The following RARB variants were observed in gnomAD, a reference collection of about 807,000 sequenced individuals.
The protein encoded by RARB is HBV-activated protein.
A neutral mutation model predicts 51.9 loss-of-function variants in RARB; 17 were observed. The ratio of observed to expected loss-of-function variants is 0.33; its 90% CI spans 0.22 to 0.49. RARB has a LOEUF of 0.49. RARB is among the 20% of genes least tolerant of loss of function. The pLI, the probability that RARB is intolerant of heterozygous loss-of-function variation, is 0.99. For synonymous variants in RARB, 215 were observed against 195.4 expected (o/e 1.10, Z -0.84); for missense variants, 369 against 550.8 (o/e 0.67, Z 3.30).
intron 5 of RARB, among the ~76,000 whole-genome samples, chr3:25,210,166 A>G (rs1306328097): frequency 6.6e-6 from 1 of 152,196 alleles, no homozygotes; most frequent in Non-Finnish European, 1.5e-5. Flanking sequence ...GCTAGCAGAA[A>G]AGATTTGTGA....
rs567691913 is a variant in RARB, at chr3:25,498,752, T to G, written c.307-2430T>G. Among the ~76,000 whole-genome samples, 4 of 152,354 alleles carry G rather than the reference T, an allele frequency of 2.6e-5. No homozygotes were observed. The South Asian group carries it at 8.3e-4, about 32-fold the overall frequency. ...GGGTCACCTTTGTCCATACCTCATT[T>G]TCTTCCCACGTATATAAAAGACCAT... On this transcript the variant is annotated intron_variant, in intron 2 of 7. Coordinates refer to ENST00000330688, the MANE Select transcript of RARB (RefSeq NM_000965.5).
At chr3:25,469,678 T>G (rs1695598130) in intron 2 of RARB, among the ~76,000 whole-genome samples, 1 of 152,212 alleles carries the variant, frequency 6.6e-6, no homozygotes, top group Admixed American at 6.5e-5. Context: ...TTAAGTGCCT[T>G]CCATGAGACA....
chr3:25,265,116 G>C (rs1046992908), intron 5 of RARB, among the ~76,000 whole-genome samples: 1 of 152,098 alleles, frequency 6.6e-6, no homozygotes, highest in African/African-American at 2.4e-5. Flanking sequence ...ATAAATTTCT[G>C]TTGTTTGTAA....
At chr3:25,160,355 C>T (rs968931913) in intron 4 of RARB, among the ~76,000 whole-genome samples, 1 of 152,182 alleles carries the variant, frequency 6.6e-6, no homozygotes, top group Non-Finnish European at 1.5e-5. Context: ...TGCCTTACCT[C>T]TTGACATTAC....
intron 3 of RARB, among the ~76,000 whole-genome samples, chr3:25,515,627 A>C (rs1050717317): frequency 9.2e-5 from 14 of 152,356 alleles, no homozygotes; most frequent in African/African-American, 3.4e-4. Context: ...GATGAACTCA[A>C]ATGACATTGA....
chr3:25,461,445 C>T (rs1372802076), intron 2 of RARB, 104 bp downstream of exon 2: 1 of 1,293,526 alleles, frequency 7.7e-7, no homozygotes, highest in Middle Eastern at 2.0e-4. Context: ...AACATCACCT[C>T]CCATAAGTGT....
intron 5 of RARB, among the ~76,000 whole-genome samples, chr3:25,235,466 A>T (rs933262371): frequency 6.6e-6 from 1 of 152,214 alleles, no homozygotes; most frequent in Non-Finnish European, 1.5e-5. Flanking sequence ...CCTCACCAAA[A>T]GGAGATCAGA....
At chr3:25,174,196 TC>T in exon 5 of RARB, 3 of 278,292 alleles carry the variant, frequency 1.1e-5, no homozygotes, top group Admixed American at 4.2e-5. Flanking sequence ...AAAGCATCCT[TC>T]CTGTAATCAG....
chr3:25,105,486 A>G (rs1000799633), intron 3 of RARB, among the ~76,000 whole-genome samples: 4 of 151,270 alleles, frequency 2.6e-5, no homozygotes, highest in Admixed American at 1.3e-4. Context: ...TGTTTTGCCA[A>G]GTATGACTGC....
chr3:25,115,659 C>G (rs2125327051), intron 3 of RARB, among the ~76,000 whole-genome samples: 1 of 140,020 alleles, frequency 7.1e-6, no homozygotes, highest in South Asian at 2.3e-4. Flanking sequence ...TTTCTTTTTC[C>G]TTTCCTTTCC....
chr3:25,536,936 C>T (rs564560340), intron 3 of RARB, among the ~76,000 whole-genome samples: 5 of 152,308 alleles, frequency 3.3e-5, no homozygotes, highest in Admixed American at 3.3e-4. Flanking sequence ...TTGTGCTAAA[C>T]AAGATGGTGG....
At chr3:25,591,888 G>A (rs1320826592) in intron 5 of RARB, among the ~76,000 whole-genome samples, 2 of 152,150 alleles carry the variant, frequency 1.3e-5, no homozygotes, top group Non-Finnish European at 2.9e-5. Flanking sequence ...CTAGGTCACT[G>A]CCTTCTTGGA....
At chr3:24,929,924 C>G (rs1013509832) in intron 2 of RARB, among the ~76,000 whole-genome samples, 1 of 151,978 alleles carries the variant, frequency 6.6e-6, no homozygotes, top group East Asian at 1.9e-4. Context: ...CTTGTTTTAC[C>G]TATTTTAATG....
intron 5 of RARB, among the ~76,000 whole-genome samples, chr3:25,375,969 G>A (rs534280065): frequency 6.6e-6 from 1 of 152,160 alleles, no homozygotes; most frequent in Non-Finnish European, 1.5e-5. Context: ...AAGAAATGGG[G>A]ATAATGTTAC....
At chr3:25,516,659 C>G (rs907371796) in intron 3 of RARB, among the ~76,000 whole-genome samples, 1 of 119,692 alleles carries the variant, frequency 8.4e-6, no homozygotes, top group African/African-American at 4.9e-5. Flanking sequence ...CAGGGTCACA[C>G]TCTGTCGTCC....
intron 2 of RARB, among the ~76,000 whole-genome samples, chr3:24,896,140 A>AT (rs1438523434): frequency 6.6e-6 from 1 of 152,242 alleles, no homozygotes; most frequent in East Asian, 1.9e-4. Flanking sequence ...TTCCACTTAT[A>AT]TGAGCAACCT....
intron 3 of RARB, among the ~76,000 whole-genome samples, chr3:25,115,254 G>C (rs549333749): frequency 6.6e-6 from 1 of 152,244 alleles, no homozygotes; most frequent in Admixed American, 6.5e-5. Context: ...ATTTCAAGAA[G>C]TATAACATTT....
At chr3:25,058,924 G>A (rs1698494745) in intron 2 of RARB, among the ~76,000 whole-genome samples, 1 of 151,222 alleles carries the variant, frequency 6.6e-6, no homozygotes, top group Admixed American at 6.6e-5. Flanking sequence ...TGCAATCAAT[G>A]TAGAAAACTT....
At position 25,109,514 on chromosome 3, in the gene RARB, A is replaced by G. The variant is rs137863134; in HGVS notation, c.-327-22647A>G. ...ACATGTTTTTTTAAACAGTCTCCTGAAAAGCAAAATATATTTGAAAGTTGG... is the reference window on the plus strand; with the variant it reads ...ACATGTTTTTTTAAACAGTCTCCTGGAAAGCAAAATATATTTGAAAGTTGG... On this transcript the variant is annotated intron_variant, in intron 3 of 11. Coordinates refer to the RARB transcript ENST00000383772. Among the ~76,000 whole-genome samples, 15 of 152,326 alleles carry G rather than the reference A, an allele frequency of 9.8e-5. No individual in the cohort carries two copies. The East Asian group carries it at 2.9e-3, about 29-fold the overall frequency.
Sources: gnomAD v4.1 joint callset for allele counts (sites outside exome capture counted in the v4.1 genomes callset) on GRCh38, gnomAD v4.1.1 for gene constraint, MANE v1.5 for transcripts, NCBI Gene and HGNC (gene_info 2026-07-23, HGNC 2026-07-21) for gene names.